STXBP4: variants seen among roughly 807,000 people sequenced by gnomAD.
STXBP4 encodes the protein syntaxin-binding protein 4.
In STXBP4, 55 loss-of-function variants were observed where a neutral mutation model predicts 76.1. The observed-to-expected ratio is 0.72, with a 90% CI of 0.58 to 0.91. The LOEUF is 0.91. Ranked by LOEUF, STXBP4 falls within the 40% of genes least tolerant of loss-of-function variation. The pLI is 0.00. For synonymous variants in STXBP4, 201 were observed against 220.2 expected (o/e 0.91, Z 0.77); for missense variants, 618 against 636.9 (o/e 0.97, Z 0.32).
chr17:55,143,327 GCAT>G (rs1431543210), intron 17 of STXBP4, among the ~76,000 whole-genome samples: 1 of 152,194 alleles, frequency 6.6e-6, no homozygotes, highest in East Asian at 1.9e-4. Context: ...CTGGGGTTCT[GCAT>G]TCAGGATCCT....
intron 16 of STXBP4, among the ~76,000 whole-genome samples, chr17:55,119,903 A>G (rs960675028): frequency 1.3e-5 from 2 of 152,080 alleles, no homozygotes; most frequent in African/African-American, 4.8e-5. Context: ...TTTTCTAACC[A>G]TATGCATATT....
chr17:54,999,607 T>C (rs778011332), intron 5 of STXBP4, 25 bp from the exon 6 acceptor site: 1 of 1,593,214 alleles, frequency 6.3e-7, no homozygotes. Context: ...AGCATATCCA[T>C]AAAGTGATTT....
intron 9 of STXBP4, 47 bp from the exon 10 acceptor site, chr17:55,034,121 A>G: frequency 7.2e-7 from 1 of 1,390,996 alleles, no homozygotes; most frequent in Non-Finnish European, 1.0e-6. Flanking sequence ...AGTAAGATTT[A>G]GAAGGGGTTA....
intron 4 of STXBP4, chr17:54,991,590 ATTC>A (rs1335286653): frequency 6.6e-6 from 1 of 152,002 alleles, no homozygotes; most frequent in Non-Finnish European, 1.5e-5. Context: ...TTAAATTCTC[ATTC>A]TTCTTGGATT....
Position 55,168,202 on chromosome 17 carries a change from T to C in STXBP4, c.*8291T>C, listed in dbSNP as rs2080386891. On this transcript the variant is annotated 3_prime_UTR_variant, in exon 18 of 18. Transcript: ENST00000376352. The stretch of plus-strand genomic sequence containing the variant: ...CACACACATACACTTAGTATATGTG[T>C]GTGTGTGTGTGTGTATATATATATA... The C allele has an allele frequency of 7.6e-6, 1 of 131,488 alleles. No individual in the cohort carries two copies. Among genetic ancestry groups the C allele is most frequent in the Non-Finnish European group, 1.6e-5 (1 of 61,248 alleles). The allele number at this position is 131,488 out of a possible 1,614,324, so 8.1% of individuals were successfully genotyped here.
downstream of STXBP4, among the ~76,000 whole-genome samples, chr17:55,174,901 A>T (rs1194845764): frequency 6.6e-6 from 1 of 152,118 alleles, no homozygotes; most frequent in Admixed American, 6.5e-5. Flanking sequence ...AGGATTTTAA[A>T]GGGAAACAGC....
chr17:55,130,734 G>C (rs1295029399), intron 16 of STXBP4, among the ~76,000 whole-genome samples: 2 of 152,136 alleles, frequency 1.3e-5, no homozygotes, highest in Non-Finnish European at 2.9e-5. Flanking sequence ...CTATGAGTTT[G>C]ACTTTTTAGG....
In STXBP4 at chr17:55,086,543, C is replaced by A. The variant is rs377357919; in HGVS notation, c.1489+5360C>A. ...ATCCTTTAACAAATCTCTCCCTATC[C>A]CCCTGTTCTCCGTGTCCTTCCAGTC... On this transcript the variant is annotated intron_variant, in intron 16 of 17. Transcript: ENST00000376352. 1.5e-3 allele frequency among the ~76,000 whole-genome samples: 222 copies of A among 152,202 alleles called. 7 individuals are homozygous for A. In the South Asian group the frequency reaches 0.045, roughly 31 times the overall value.
intron 17 of STXBP4, among the ~76,000 whole-genome samples, chr17:55,149,764 G>A (rs2080194020): frequency 6.6e-6 from 1 of 152,114 alleles, no homozygotes; most frequent in African/African-American, 2.4e-5. Context: ...GCTTGCTCAG[G>A]ATTTTCTGTA....
intron 4 of STXBP4, among the ~76,000 whole-genome samples, chr17:54,996,771 A>G (rs895968712): frequency 2.6e-5 from 4 of 152,208 alleles, no homozygotes; most frequent in Admixed American, 6.5e-5. Flanking sequence ...CAGAAGGACT[A>G]TTCCTTAGTA....
the STXBP4 span, among the ~76,000 whole-genome samples, chr17:55,201,353 A>C: frequency 6.6e-6 from 1 of 152,062 alleles, no homozygotes; most frequent in Non-Finnish European, 1.5e-5. Context: ...TTATTCAAAC[A>C]ATGAAGATTA....
intron 1 of STXBP4, among the ~76,000 whole-genome samples, chr17:54,975,198 G>T (rs890215191): frequency 6.6e-6 from 1 of 152,160 alleles, no homozygotes; most frequent in Non-Finnish European, 1.5e-5. Flanking sequence ...GAGTGCAATG[G>T]CATGATCTCG....
At chr17:55,185,463 G>A in the STXBP4 span, among the ~76,000 whole-genome samples, 3 of 151,804 alleles carry the variant, frequency 2.0e-5, no homozygotes, top group Non-Finnish European at 4.4e-5. Context: ...GTGTGTGTGT[G>A]CACATAGAGA....
chr17:55,114,535 T>C (rs1002074382), intron 16 of STXBP4, among the ~76,000 whole-genome samples: 6 of 152,090 alleles, frequency 3.9e-5, no homozygotes, highest in Admixed American at 3.3e-4. Context: ...GTGTGCTATG[T>C]GCAGACTATG....
intron 12 of STXBP4, among the ~76,000 whole-genome samples, chr17:55,061,715 A>G (rs921165834): frequency 2.0e-5 from 3 of 152,220 alleles, no homozygotes. Context: ...AGAATATTGT[A>G]TAAATGGAAT....
chr17:55,043,029 A>G (rs919634451), intron 10 of STXBP4, among the ~76,000 whole-genome samples: 2 of 152,186 alleles, frequency 1.3e-5, no homozygotes, highest in South Asian at 4.1e-4. Context: ...AAATTCTATT[A>G]TAAGTGACAA....
rs1207588927 is a variant in STXBP4, at chr17:55,107,539, G to T, written c.1489+26356G>T. ...AGCATTCTGGTTTTTGGAATTTTCA[G>T]CCTTTTTGCACTGGTTTTTCCACGT... On this transcript the variant is annotated intron_variant, in intron 16 of 17. Transcript: ENST00000376352. Among the ~76,000 whole-genome samples the T allele has an allele frequency of 2.0e-5, 3 of 152,202 alleles. 1 individual carries two copies. The Middle Eastern group carries it at 9.6e-3, about 485-fold the overall frequency.
chr17:55,086,894 G>C (rs958930955), intron 16 of STXBP4, among the ~76,000 whole-genome samples: 2 of 152,030 alleles, frequency 1.3e-5, no homozygotes, highest in East Asian at 3.9e-4. Context: ...GGTGTACAAG[G>C]GTTCCCTTTT....
chr17:55,034,209 G>C lies in STXBP4; in HGVS notation c.805G>C (p.Asp269His). ...VARNLFCLQL[D>H]EVNVGAHEIS... is the part of the protein sequence containing the mutation. ...CAGAAACTTGTTTTGCTTGCAGTTGGATGAAGTAAATGTTGGTGCACATGA... is the reference window on the plus strand; with the variant it reads ...CAGAAACTTGTTTTGCTTGCAGTTGCATGAAGTAAATGTTGGTGCACATGA... The change falls in exon 10 of 18, where the codon GAT becomes CAT. Residue 269 changes from aspartate (D) to histidine (H), a missense_variant. By Grantham distance (81) the Asp-to-His change is moderately conservative. Transcript: ENST00000376352. 1 of 1,612,210 alleles carries C rather than the reference G, an allele frequency of 6.2e-7. No homozygotes were observed. The highest frequency in any genetic ancestry group is 8.5e-7 in the Non-Finnish European group (1 of 1,178,856).
Sources: gnomAD v4.1 joint callset for allele counts (sites outside exome capture counted in the v4.1 genomes callset) on GRCh38, gnomAD v4.1.1 for gene constraint, MANE v1.5 for transcripts, NCBI Gene and HGNC (gene_info 2026-07-23, HGNC 2026-07-21) for gene names.